Variants in RAP1GAP2 observed in about 807,000 individuals in gnomAD.
The protein encoded by RAP1GAP2 is RAP1 GTPase activating protein 2.
RAP1GAP2 carries 27 observed loss-of-function variants against 95.0 expected under a neutral mutation model. That is an observed-to-expected ratio of 0.28 (90% CI 0.21 to 0.39). RAP1GAP2 has a LOEUF of 0.39. RAP1GAP2 is among the 10% of genes least tolerant of loss of function. The pLI is 1.00. For missense variants in RAP1GAP2, 771 were observed against 970.0 expected (o/e 0.79, Z 2.72); for synonymous variants, 373 against 380.9 (o/e 0.98, Z 0.24).
intron 3 of RAP1GAP2, among the ~76,000 whole-genome samples, chr17:2,952,910 TTC>T (rs2043967975): frequency 6.6e-6 from 1 of 152,018 alleles, no homozygotes; most frequent in African/African-American, 2.4e-5. Flanking sequence ...GTTCAAGTGA[TTC>T]TCATGCCTCA....
At chr17:3,013,815 G>A (rs2046657105) in intron 17 of RAP1GAP2, among the ~76,000 whole-genome samples, 2 of 151,714 alleles carry the variant, frequency 1.3e-5, no homozygotes, top group Non-Finnish European at 2.9e-5. Flanking sequence ...CTGCTATGTG[G>A]GCTTGGGCAA....
chr17:3,013,233 C>G (rs972351863), intron 17 of RAP1GAP2, among the ~76,000 whole-genome samples: 2 of 152,178 alleles, frequency 1.3e-5, no homozygotes, highest in Non-Finnish European at 2.9e-5. Context: ...ACCTGTAAGC[C>G]GGTCCCCCTA....
rs1035197328 is a variant in RAP1GAP2 at position 2,797,739 on chromosome 17, C to T, written c.44+1168C>T. 9.1e-6 allele frequency: 9 copies of T among 985,346 alleles called. No individual in the cohort carries two copies. Among genetic ancestry groups the T allele is most frequent in the East Asian group, 1.1e-4 (1 of 8,792 alleles). 61.0% of individuals were successfully genotyped at this position (985,346 alleles called of 1,614,324 possible). On this transcript the variant is annotated intron_variant, in intron 1 of 24. Transcript: ENST00000254695. This position sits in a 1 kb window ranked among gnomAD's most constrained non-coding sequence, Gnocchi z 5.6. The stretch of plus-strand genomic sequence containing the variant: ...GCACAGCGTCGCCTGTGTCTGCTCT[C>T]GGGCCCTCCCTGACGCCTGGATCTG...
chr17:2,889,889 A>ATATATATTTTTTTT (rs1408426152), intron 2 of RAP1GAP2, among the ~76,000 whole-genome samples: 101 of 57,266 alleles, frequency 1.8e-3, no homozygotes, highest in Non-Finnish European at 2.5e-3. Context: ...ATATATATAT[A>ATATATATTTTTTTT]TTTTTTTTTT....
At chr17:2,992,063 G>A (rs1165234328) in intron 12 of RAP1GAP2, among the ~76,000 whole-genome samples, 2 of 152,096 alleles carry the variant, frequency 1.3e-5, no homozygotes, top group Non-Finnish European at 2.9e-5. Context: ...GCCGCGCCTG[G>A]CCTGAAATGA....
chr17:2,895,692 T>C (rs2151707620), intron 2 of RAP1GAP2, among the ~76,000 whole-genome samples: 1 of 152,146 alleles, frequency 6.6e-6, no homozygotes, highest in Admixed American at 6.5e-5. Context: ...TTCTCCTGCC[T>C]CAGCCTCCCG....
upstream of RAP1GAP2, among the ~76,000 whole-genome samples, chr17:2,776,309 A>T (rs569634519): frequency 6.6e-6 from 1 of 152,314 alleles, no homozygotes; most frequent in African/African-American, 2.4e-5. Context: ...GGAGCCCCAG[A>T]GTATCTTCCT....
At chr17:2,757,708 C>A (rs538500074) in intron 1 of RAP1GAP2, among the ~76,000 whole-genome samples, 2 of 152,200 alleles carry the variant, frequency 1.3e-5, no homozygotes, top group South Asian at 4.1e-4. Flanking sequence ...AGTAGGACCA[C>A]CCCAGCACCC....
At chr17:2,881,844 G>A (rs2073306167) in intron 2 of RAP1GAP2, among the ~76,000 whole-genome samples, 1 of 151,924 alleles carries the variant, frequency 6.6e-6, no homozygotes, top group Non-Finnish European at 1.5e-5. Context: ...TTTTTGAGAC[G>A]GAGTCTCGCT....
At chr17:2,931,164 AGAT>A (rs2043137822) in intron 3 of RAP1GAP2, among the ~76,000 whole-genome samples, 1 of 150,842 alleles carries the variant, frequency 6.6e-6, no homozygotes, top group Non-Finnish European at 1.5e-5. Flanking sequence ...AAACCACAAC[AGAT>A]GATAACTGTT....
chr17:2,791,783 T>C (rs185049037), upstream of RAP1GAP2, among the ~76,000 whole-genome samples: 16 of 151,872 alleles, frequency 1.1e-4, no homozygotes, highest in Non-Finnish European at 1.9e-4. Context: ...AGCTGAGCTC[T>C]GGGAGGAAGC....
At chr17:2,762,397 CTTT>C (rs71150894) in intron 1 of RAP1GAP2, among the ~76,000 whole-genome samples, 9 of 124,200 alleles carry the variant, frequency 7.2e-5, no homozygotes, top group Non-Finnish European at 8.5e-5. Context: ...TTTTTTCTTT[CTTT>C]TTTTTTTTTT....
chr17:2,905,862 C>T (rs1187363866), intron 3 of RAP1GAP2, among the ~76,000 whole-genome samples: 1 of 152,148 alleles, frequency 6.6e-6, no homozygotes, highest in Non-Finnish European at 1.5e-5. Context: ...GCACTTCCTT[C>T]GTGAGCCTTT....
intron 3 of RAP1GAP2, among the ~76,000 whole-genome samples, chr17:2,931,333 A>T (rs948502933): frequency 1.4e-5 from 2 of 145,174 alleles, no homozygotes; most frequent in Non-Finnish European, 3.0e-5. Flanking sequence ...GTGACTGTGA[A>T]TGTTGTGGTT....
At chr17:2,760,251 C>A (rs2071216793) in intron 1 of RAP1GAP2, among the ~76,000 whole-genome samples, 1 of 136,602 alleles carries the variant, frequency 7.3e-6, no homozygotes, top group Non-Finnish European at 1.6e-5. Context: ...TGAGATCGCG[C>A]CACTGCACTC....
rs1394105103 is a variant in RAP1GAP2 at position 2,945,684 on chromosome 17, G to A, written c.166-12075G>A. Among the ~76,000 whole-genome samples, 4 of 151,712 alleles carry A rather than the reference G, an allele frequency of 2.6e-5. No homozygotes were observed. The East Asian group carries it at 7.7e-4, about 29-fold the overall frequency. ...TTTTCTGAGAGTTTATATCATGAAA[G>A]GATATTAGCTTTTGTCGTGCTCTTT... On this transcript the variant is annotated intron_variant, in intron 3 of 24. Transcript: ENST00000254695.
intron 1 of RAP1GAP2, among the ~76,000 whole-genome samples, chr17:2,766,377 G>C (rs1192977491): frequency 1.3e-5 from 2 of 152,102 alleles, no homozygotes; most frequent in Non-Finnish European, 2.9e-5. Flanking sequence ...ACTGGCTCAC[G>C]CCTGTAATCT....
At chr17:3,031,776 T>C (rs903685014) in intron 23 of RAP1GAP2, among the ~76,000 whole-genome samples, 4 of 140,586 alleles carry the variant, frequency 2.8e-5, no homozygotes, top group Admixed American at 7.0e-5. Flanking sequence ...TATCGAGAGC[T>C]CCAGGTCCAG....
chr17:2,935,327 G>A (rs2043271416), intron 3 of RAP1GAP2, among the ~76,000 whole-genome samples: 2 of 152,186 alleles, frequency 1.3e-5, no homozygotes, highest in Admixed American at 1.3e-4. Flanking sequence ...GACCAACATG[G>A]TGAAACCCCA....
Sources: gnomAD v4.1 joint callset for allele counts (sites outside exome capture counted in the v4.1 genomes callset) on GRCh38, gnomAD v4.1.1 for gene constraint, Gnocchi (gnomAD v3.1) non-coding constraint, MANE v1.5 for transcripts, NCBI Gene and HGNC (gene_info 2026-07-23, HGNC 2026-07-21) for gene names.